Variants in CNTNAP5 observed in about 807,000 individuals in gnomAD.
CNTNAP5 encodes contactin associated protein family member 5.
In CNTNAP5, 72 loss-of-function variants were observed where a neutral mutation model predicts 150.2. That is an observed-to-expected ratio of 0.48 (90% confidence interval 0.40 to 0.58). The LOEUF is 0.58. CNTNAP5 is among the 20% of genes least tolerant of loss of function. The probability of loss-of-function intolerance (pLI) is 0.00; values close to 1 mark genes in which losing one functional copy is unlikely to be tolerated. For synonymous variants in CNTNAP5, 672 were observed against 619.8 expected, an observed-to-expected ratio of 1.08 and a Z score of -1.25; for missense variants, 1,636 against 1,626.2, an observed-to-expected ratio of 1.01 and a Z score of -0.10.
At chr2:124,744,564 C>T (rs1232102974) in intron 13 of CNTNAP5, among the ~76,000 whole-genome samples, 3 of 152,032 alleles carry the variant, frequency 2.0e-5, no homozygotes, top group East Asian at 1.9e-4. Context: ...TGTTTTCTTA[C>T]GTGATTTATT....
chr2:124,035,060 A>G (rs960839673), intron 1 of CNTNAP5, among the ~76,000 whole-genome samples: 2 of 122,478 alleles, frequency 1.6e-5, no homozygotes, highest in Non-Finnish European at 3.2e-5. Flanking sequence ...TGAAATGCCT[A>G]GTGCCCATCC....
chr2:124,168,612 G>A (rs189398111), intron 1 of CNTNAP5, among the ~76,000 whole-genome samples: 81 of 152,294 alleles, frequency 5.3e-4, no homozygotes, highest in Middle Eastern at 3.4e-3. Flanking sequence ...CTCATTTGGG[G>A]ATTAGACCTG....
intron 7 of CNTNAP5, among the ~76,000 whole-genome samples, chr2:124,482,402 C>T (rs1432841660): frequency 6.6e-6 from 1 of 152,288 alleles, no homozygotes; most frequent in African/African-American, 2.4e-5. Context: ...CTGTGCCTTT[C>T]ACAGTCTTCT....
Position 124,446,619 on chromosome 2 carries a change from C to G in CNTNAP5, c.734-134C>G, listed in dbSNP as rs1271434882. 9 of 810,272 alleles carry G rather than the reference C, an allele frequency of 1.1e-5. No homozygotes were observed. The Admixed American group carries it at 1.5e-4, about 13-fold the overall frequency. The allele number at this position is 810,272 out of a possible 1,614,324, so 50.2% of individuals were successfully genotyped here. A position where few individuals can be genotyped will look rare whatever the true frequency, so the allele number is the denominator to read the frequency against. On this transcript the variant is annotated intron_variant, in intron 5 of 23. Transcript: ENST00000682447. ...CTGTTATTCCTTCCCAGGTCCAGCA[C>G]AGTTCCAGGCCTGTAGGGAGACATC...
intron 19 of CNTNAP5, among the ~76,000 whole-genome samples, chr2:124,832,671 A>G (rs1368916721): frequency 6.6e-6 from 1 of 152,006 alleles, no homozygotes; most frequent in Non-Finnish European, 1.5e-5. Flanking sequence ...TTCAATGATT[A>G]CATTTTAGGG....
intron 7 of CNTNAP5, among the ~76,000 whole-genome samples, chr2:124,488,455 T>C (rs1342151234): frequency 6.6e-6 from 1 of 152,258 alleles, no homozygotes; most frequent in Non-Finnish European, 1.5e-5. Flanking sequence ...TAGCATGTGA[T>C]AGAATCTGCT....
chr2:124,033,035 G>A (rs185124647), intron 1 of CNTNAP5, among the ~76,000 whole-genome samples: 1 of 152,192 alleles, frequency 6.6e-6, no homozygotes, highest in African/African-American at 2.4e-5. Flanking sequence ...GGGCTGCTCA[G>A]TGGAAAGAGA....
rs192100352 is a variant in CNTNAP5, at chr2:124,916,038, A to T, written c.*1750A>T. ...GGTACACTGTCTCTCGCCTCTCACA[A>T]TGAGGAACTTAGTTGCTTCATTCCA... On this transcript the variant is annotated 3_prime_UTR_variant, in exon 24 of 24. Transcript: ENST00000682447. 6.6e-6 allele frequency among the ~76,000 whole-genome samples: 1 copy of T among 152,200 alleles called. No homozygotes were observed. Among genetic ancestry groups the T allele is most frequent in the African/African-American group, 2.4e-5 (1 of 41,572 alleles).
chr2:124,906,694 T>A (rs573836919), intron 22 of CNTNAP5, among the ~76,000 whole-genome samples: 2 of 152,302 alleles, frequency 1.3e-5, no homozygotes, highest in East Asian at 1.9e-4. Flanking sequence ...TCCAATATTT[T>A]GTAAAAATTG....
intron 8 of CNTNAP5, among the ~76,000 whole-genome samples, chr2:124,508,850 C>A (rs192196218): frequency 6.6e-6 from 1 of 152,264 alleles, no homozygotes; most frequent in Non-Finnish European, 1.5e-5. Context: ...AACAAATAAT[C>A]AAACAAAAAC....
chr2:124,181,230 G>C (rs1292124215), intron 1 of CNTNAP5, among the ~76,000 whole-genome samples: 1 of 152,012 alleles, frequency 6.6e-6, no homozygotes, highest in African/African-American at 2.4e-5. Flanking sequence ...AATTAGGATA[G>C]TACTTTGCCT....
intron 2 of CNTNAP5, among the ~76,000 whole-genome samples, chr2:124,237,215 G>A (rs750882764): frequency 2.6e-5 from 4 of 152,170 alleles, no homozygotes; most frequent in Non-Finnish European, 4.4e-5. Flanking sequence ...ACTCCAGTTG[G>A]TCTTGGACTA....
chr2:124,257,640 C>T (rs1017764152), intron 3 of CNTNAP5, among the ~76,000 whole-genome samples: 9 of 152,170 alleles, frequency 5.9e-5, no homozygotes, highest in Admixed American at 1.3e-4. Flanking sequence ...TGATCCTTTG[C>T]ACATCTGCAC....
intron 19 of CNTNAP5, among the ~76,000 whole-genome samples, chr2:124,859,794 C>T (rs1677471164): frequency 1.3e-5 from 2 of 151,990 alleles, no homozygotes; most frequent in African/African-American, 4.8e-5. Flanking sequence ...TCATTCTCAG[C>T]AAACTATCGC....
At chr2:124,069,407 G>T (rs1004830270) in intron 1 of CNTNAP5, among the ~76,000 whole-genome samples, 3 of 152,150 alleles carry the variant, frequency 2.0e-5, no homozygotes, top group Non-Finnish European at 2.9e-5. Context: ...CTTAGGGTCT[G>T]GGGGAACTTG....
At chr2:124,616,197 T>C (rs1677490580) in intron 12 of CNTNAP5, among the ~76,000 whole-genome samples, 1 of 150,482 alleles carries the variant, frequency 6.6e-6, no homozygotes, top group South Asian at 2.1e-4. Context: ...ATTGTCTTTC[T>C]TCTCTTCTCT....
intron 1 of CNTNAP5, among the ~76,000 whole-genome samples, chr2:124,205,160 C>T (rs892900016): frequency 6.6e-5 from 10 of 152,108 alleles, no homozygotes; most frequent in Non-Finnish European, 1.0e-4. Flanking sequence ...CCATAATACC[C>T]ATGTGTCATG....
chr2:124,303,368 G>A (rs1688610799), intron 3 of CNTNAP5, among the ~76,000 whole-genome samples: 1 of 152,154 alleles, frequency 6.6e-6, no homozygotes, highest in African/African-American at 2.4e-5. Flanking sequence ...AAAAATAGAT[G>A]ATTCCACCTT....
At chr2:124,228,060 T>G (rs1341554907) in intron 2 of CNTNAP5, among the ~76,000 whole-genome samples, 1 of 152,048 alleles carries the variant, frequency 6.6e-6, no homozygotes, top group Non-Finnish European at 1.5e-5. Context: ...AGGCTGGTGG[T>G]GTAATTCAGT....
Sources: gnomAD v4.1 joint callset for allele counts (sites outside exome capture counted in the v4.1 genomes callset) on GRCh38, gnomAD v4.1.1 for gene constraint, MANE v1.5 for transcripts, NCBI Gene and HGNC (gene_info 2026-07-23, HGNC 2026-07-21) for gene names.